Variants in CTNNA3 observed in about 807,000 individuals in gnomAD.
The protein encoded by CTNNA3 is catenin alpha 3.
Under a neutral mutation model 95.7 loss-of-function variants are expected in CTNNA3, and 76 were observed. The ratio of observed to expected loss-of-function variants is 0.79; its 90% confidence interval spans 0.66 to 0.96. The LOEUF is 0.96. Among genes scored for constraint, CTNNA3 ranks in the 40% least tolerant of loss-of-function variants. CTNNA3 has a pLI of 0.00. For synonymous variants in CTNNA3, 431 were observed against 374.4 expected (o/e 1.15, Z -1.74); for missense variants, 1,191 against 1,089.8 (o/e 1.09, Z -1.31).
chr10:67,529,540 C>T (rs7915009), intron 4 of CTNNA3, among the ~76,000 whole-genome samples: 14,144 of 149,922 alleles, frequency 0.094, 1,266 homozygotes, highest in African/African-American at 0.24. Flanking sequence ...ATACCTAATG[C>T]TAAATGATGA....
At chr10:67,001,477 G>C (rs991572885) in intron 7 of CTNNA3, among the ~76,000 whole-genome samples, 3 of 151,636 alleles carry the variant, frequency 2.0e-5, no homozygotes, top group African/African-American at 4.8e-5. Flanking sequence ...GGGGAAATGG[G>C]AATGGGGGGC....
At chr10:66,728,848 A>G (rs905928218) in intron 9 of CTNNA3, among the ~76,000 whole-genome samples, 6 of 152,218 alleles carry the variant, frequency 3.9e-5, no homozygotes, top group Admixed American at 6.5e-5. Flanking sequence ...TGGGCCTCCC[A>G]AAATGCTAAG....
intron 7 of CTNNA3, among the ~76,000 whole-genome samples, chr10:67,101,746 T>C (rs1160016575): frequency 1.3e-5 from 2 of 151,898 alleles, no homozygotes; most frequent in East Asian, 1.9e-4. Context: ...TAAAATCTTT[T>C]TGAAAAAAAA....
At chr10:65,960,205 T>C (rs976702111) in intron 17 of CTNNA3, among the ~76,000 whole-genome samples, 6 of 152,190 alleles carry the variant, frequency 3.9e-5, no homozygotes, top group Non-Finnish European at 7.3e-5. Context: ...TATCTTTTTT[T>C]AAGTTAGACT....
chr10:66,637,740 G>A (rs538179901), intron 9 of CTNNA3, among the ~76,000 whole-genome samples: 45 of 152,294 alleles, frequency 3.0e-4, no homozygotes, highest in Non-Finnish European at 5.9e-4. Flanking sequence ...AGTACAAAGC[G>A]TCCTGGATGC....
chr10:67,047,200 A>AT lies in CTNNA3; in HGVS notation c.1047+133116dup, dbSNP rs1029131951. 1.1e-3 allele frequency among the ~76,000 whole-genome samples: 175 copies of AT among 152,234 alleles called. 1 individual carries two copies. Among genetic ancestry groups the AT allele is most frequent in the African/African-American group, 4.0e-3 (168 of 41,544 alleles). ...TCCTTCCTGCTGAAATTGTTTTAAC[A>AT]TTTTTTCTGGAGCCTTATGGGAGTG... On this transcript the variant is annotated intron_variant, in intron 7 of 17. Coordinates refer to ENST00000433211, the MANE Select transcript of CTNNA3 (RefSeq NM_013266.4).
intron 5 of CTNNA3, among the ~76,000 whole-genome samples, chr10:67,465,578 C>G (rs1377738036): frequency 6.6e-6 from 1 of 152,116 alleles, no homozygotes; most frequent in Non-Finnish European, 1.5e-5. Flanking sequence ...GGTCCACAGC[C>G]TTCAGGGAAA....
chr10:66,785,303 T>C (rs1179352402), intron 7 of CTNNA3, among the ~76,000 whole-genome samples: 1 of 152,186 alleles, frequency 6.6e-6, no homozygotes, highest in East Asian at 1.9e-4. Context: ...CCTAGGTAAC[T>C]GGTAAAACAT....
intron 12 of CTNNA3, among the ~76,000 whole-genome samples, chr10:66,331,430 T>C (rs1047534750): frequency 7.5e-6 from 1 of 132,784 alleles, no homozygotes; most frequent in Non-Finnish European, 1.6e-5. Context: ...CTCGACTCAC[T>C]GCAAGCTCCG....
At chr10:67,223,010 T>G (rs764020928) in intron 5 of CTNNA3, among the ~76,000 whole-genome samples, 13 of 152,262 alleles carry the variant, frequency 8.5e-5, no homozygotes, top group Non-Finnish European at 1.3e-4. Flanking sequence ...ATTTGGAGCC[T>G]ATGCTTTGTC....
At chr10:67,339,900 C>T (rs768408902) in intron 5 of CTNNA3, among the ~76,000 whole-genome samples, 2 of 152,078 alleles carry the variant, frequency 1.3e-5, no homozygotes, top group Non-Finnish European at 1.5e-5. Context: ...ATTCCTTATG[C>T]CAATATACGA....
chr10:67,363,789 C>T (rs1452635285), intron 5 of CTNNA3, among the ~76,000 whole-genome samples: 2 of 152,176 alleles, frequency 1.3e-5, no homozygotes, highest in Non-Finnish European at 2.9e-5. Flanking sequence ...AGTTGAATCT[C>T]TGACTACACC....
chr10:66,757,812 A>C (rs1297128422), intron 9 of CTNNA3, among the ~76,000 whole-genome samples: 1 of 152,194 alleles, frequency 6.6e-6, no homozygotes, highest in Non-Finnish European at 1.5e-5. Context: ...TGGCATTGAT[A>C]GAACTGAGCT....
At chr10:66,921,380 T>C (rs1846778753) in intron 7 of CTNNA3, among the ~76,000 whole-genome samples, 1 of 152,208 alleles carries the variant, frequency 6.6e-6, no homozygotes, top group South Asian at 2.1e-4. Flanking sequence ...AGTGATCCTT[T>C]TAATAGGTTA....
intron 13 of CTNNA3, among the ~76,000 whole-genome samples, chr10:66,258,294 G>A (rs1196175884): frequency 6.6e-6 from 1 of 152,132 alleles, no homozygotes; most frequent in Admixed American, 6.5e-5. Context: ...GTTCACTTTT[G>A]GGGCCTTATT....
At chr10:66,093,778 G>T (rs1302842272) in intron 14 of CTNNA3, among the ~76,000 whole-genome samples, 1 of 152,016 alleles carries the variant, frequency 6.6e-6, no homozygotes, top group African/African-American at 2.4e-5. Context: ...AAAAGATAAA[G>T]AAATAAATTC....
intron 7 of CTNNA3, among the ~76,000 whole-genome samples, chr10:67,148,608 T>C (rs1268066587): frequency 1.3e-5 from 2 of 152,180 alleles, no homozygotes; most frequent in Non-Finnish European, 2.9e-5. Flanking sequence ...CCAATAAGCA[T>C]AGAGAAATGA....
intron 13 of CTNNA3, among the ~76,000 whole-genome samples, chr10:66,124,556 G>A (rs1460219712): frequency 2.0e-5 from 3 of 152,104 alleles, no homozygotes; most frequent in Non-Finnish European, 4.4e-5. Context: ...CCACTGTACT[G>A]GTACCAATTT....
intron 3 of CTNNA3, among the ~76,000 whole-genome samples, chr10:67,555,027 CT>C (rs1490040540): frequency 6.6e-6 from 1 of 152,070 alleles, no homozygotes; most frequent in Non-Finnish European, 1.5e-5. Context: ...TTCCCTATTT[CT>C]TGTTTTTGTC....
Sources: allele counts gnomAD v4.1 joint callset (sites outside exome capture counted in the v4.1 genomes callset), GRCh38; gene constraint gnomAD v4.1.1; transcripts MANE v1.5; gene names NCBI Gene and HGNC (gene_info 2026-07-23, HGNC 2026-07-21).